Variants in EBF2 observed in about 807,000 individuals in gnomAD.
The protein encoded by EBF2 is transcription factor COE2.
Under a neutral mutation model 72.8 loss-of-function variants are expected in EBF2, and 21 were observed. The observed-to-expected ratio is 0.29, with a 90% CI of 0.20 to 0.42. The LOEUF (loss-of-function observed/expected upper bound fraction) is 0.42, where lower values mean the gene tolerates loss of function less well. Ranked by LOEUF, EBF2 falls within the 10% of genes least tolerant of loss-of-function variation. EBF2 has a pLI of 1.00. For synonymous variants in EBF2, 299 were observed against 274.2 expected (o/e 1.09, Z -0.89); for missense variants, 637 against 731.2 (o/e 0.87, Z 1.49).
At chr8:25,954,423 G>A (rs1183309003) in intron 6 of EBF2, among the ~76,000 whole-genome samples, 4 of 152,220 alleles carry the variant, frequency 2.6e-5, no homozygotes, top group East Asian at 3.9e-4. Context: ...TTCCTACTTC[G>A]TTGGGTGCAT....
intron 7 of EBF2, among the ~76,000 whole-genome samples, chr8:25,898,732 A>T (rs925003905): frequency 3.3e-5 from 5 of 152,174 alleles, no homozygotes; most frequent in African/African-American, 9.7e-5. Context: ...ATTCTTGTCT[A>T]GGAAGCTCTA....
chr8:25,905,983 A>C (rs1366567057), intron 7 of EBF2, among the ~76,000 whole-genome samples: 1 of 152,172 alleles, frequency 6.6e-6, no homozygotes, highest in African/African-American at 2.4e-5. Flanking sequence ...ATAGGATGAG[A>C]ATTCTATATC....
intron 10 of EBF2, among the ~76,000 whole-genome samples, chr8:25,867,555 G>C (rs1802356112): frequency 6.6e-6 from 1 of 152,150 alleles, no homozygotes; most frequent in Non-Finnish European, 1.5e-5. Context: ...TTCTCTGCCT[G>C]TCTTGTAAAT....
At chr8:26,019,196 A>G (rs1320352626) in intron 6 of EBF2, among the ~76,000 whole-genome samples, 1 of 152,148 alleles carries the variant, frequency 6.6e-6, no homozygotes, top group Admixed American at 6.5e-5. Context: ...TCTCAAGGTC[A>G]TCCCATTTGA....
In EBF2 at chr8:26,040,965, T is replaced by A. The variant is rs1805590191; in HGVS notation, c.326A>T (p.Tyr109Phe). The change falls in exon 3 of 16, where the codon TAC (tyrosine) becomes TTC (phenylalanine). Residue 109 changes from tyrosine to phenylalanine, a missense_variant. Transcript: ENST00000520164. ...GNEKTNNGTH[Y>F]KLQLLYSNGV... Reference sequence around the variant, plus strand: ...GTTGCTGTAGAGGAGCTGTAACTTGTAGTGAGTGCCGTTGTTGGTCTTCTC... The same window carrying A: ...GTTGCTGTAGAGGAGCTGTAACTTGAAGTGAGTGCCGTTGTTGGTCTTCTC... 6.2e-7 allele frequency: 1 copy of A among 1,614,110 alleles called. No individual in the cohort carries two copies. The highest frequency in any genetic ancestry group is 1.3e-5 in the African/African-American group (1 of 74,950).
At chr8:25,877,342 A>C (rs987989643) in intron 10 of EBF2, among the ~76,000 whole-genome samples, 1 of 152,160 alleles carries the variant, frequency 6.6e-6, no homozygotes, top group South Asian at 2.1e-4. Flanking sequence ...CTCTCCGCCT[A>C]GGCTAGCATA....
chr8:26,016,634 A>G (rs1442424481), intron 6 of EBF2, among the ~76,000 whole-genome samples: 3 of 152,210 alleles, frequency 2.0e-5, no homozygotes, highest in Non-Finnish European at 4.4e-5. Flanking sequence ...GGACACTGAG[A>G]ATAATAATAA....
chr8:25,898,686 T>C (rs1007929345), intron 7 of EBF2, among the ~76,000 whole-genome samples: 1 of 152,160 alleles, frequency 6.6e-6, no homozygotes, highest in African/African-American at 2.4e-5. Context: ...AGGGGAGCCA[T>C]AACATATTTG....
intron 6 of EBF2, among the ~76,000 whole-genome samples, chr8:26,023,437 G>C (rs766726432): frequency 4.6e-5 from 7 of 152,140 alleles, no homozygotes; most frequent in Non-Finnish European, 1.0e-4. Flanking sequence ...GTTGAAGCAT[G>C]GCATCATCTG....
At chr8:25,858,640 T>G in intron 13 of EBF2, 136 bp from the exon 14 acceptor site, 2 of 471,192 alleles carry the variant, frequency 4.2e-6, no homozygotes, top group South Asian at 3.4e-5. Context: ...AAGTGTGCAG[T>G]CCATCTTTAG....
intron 14 of EBF2, among the ~76,000 whole-genome samples, chr8:25,857,430 A>G (rs767361077): frequency 4.6e-5 from 7 of 152,148 alleles, no homozygotes; most frequent in Non-Finnish European, 8.8e-5. Flanking sequence ...TGCTCTTGGC[A>G]CAAGGGAACC....
chr8:25,980,411 G>A (rs1285027440), intron 6 of EBF2, among the ~76,000 whole-genome samples: 1 of 151,954 alleles, frequency 6.6e-6, no homozygotes, highest in Non-Finnish European at 1.5e-5. Context: ...TTGCAACAAT[G>A]GTAAGCGTGC....
chr8:25,870,372 A>G (rs1802414911), intron 10 of EBF2, among the ~76,000 whole-genome samples: 1 of 152,090 alleles, frequency 6.6e-6, no homozygotes, highest in Non-Finnish European at 1.5e-5. Flanking sequence ...CAGATAACCC[A>G]TAAGGCAGAA....
At chr8:25,862,915 G>T in intron 10 of EBF2, 118 bp from the exon 11 acceptor site, 1 of 528,640 alleles carries the variant, frequency 1.9e-6, no homozygotes, top group Non-Finnish European at 3.0e-6. Flanking sequence ...AATCAGTTAG[G>T]GTTTTTGCTA....
rs923590856 is a variant in EBF2, at chr8:25,842,429, G to C, written c.*2180C>G. Reference sequence around the variant, plus strand: ...TCTTCATGCAAAAGGAAAATTCACAGGTTCTAAAAGCAATGCTACTTAAAA... The same window carrying C: ...TCTTCATGCAAAAGGAAAATTCACACGTTCTAAAAGCAATGCTACTTAAAA... On this transcript the variant is annotated 3_prime_UTR_variant, in exon 16 of 16. Coordinates refer to ENST00000520164, the MANE Select transcript of EBF2 (RefSeq NM_022659.4). The C allele has an allele frequency of 7.2e-5, 11 of 152,150 alleles. No individual in the cohort carries two copies. In the East Asian group the frequency reaches 2.1e-3, roughly 29 times the overall value. The allele number at this position is 152,150 out of a possible 1,614,324, so 9.4% of individuals were successfully genotyped here. A position where few individuals can be genotyped will look rare whatever the true frequency, so the allele number is the denominator to read the frequency against.
chr8:25,844,860 TTGA>T (rs1392699275), intron 15 of EBF2, among the ~76,000 whole-genome samples: 1 of 152,192 alleles, frequency 6.6e-6, no homozygotes, highest in Non-Finnish European at 1.5e-5. Flanking sequence ...CAAGGAAACC[TTGA>T]TGAAGTTTTG....
At position 25,871,054 on chromosome 8, in the gene EBF2, C is replaced by A. The variant is rs187138769; in HGVS notation, c.1010-8257G>T. Among the ~76,000 whole-genome samples, 301 of 152,274 alleles carry A rather than the reference C, an allele frequency of 2.0e-3. 4 individuals carry two copies. Among genetic ancestry groups the A allele is most frequent in the African/African-American group, 7.2e-3 (299 of 41,556 alleles). ...ACTAAACCATAAGAGGGACCTCAGC[C>A]TTTAACACATGGCCGGGTTTGACAA... On this transcript the variant is annotated intron_variant, in intron 10 of 15. Coordinates refer to ENST00000520164, the MANE Select transcript of EBF2 (RefSeq NM_022659.4).
At chr8:25,851,324 G>A (rs1352657601) in intron 14 of EBF2, among the ~76,000 whole-genome samples, 7 of 149,968 alleles carry the variant, frequency 4.7e-5, no homozygotes, top group African/African-American at 9.7e-5. Context: ...TCAGAAAACC[G>A]TCTTCCTCTC....
At chr8:26,038,940 C>G (rs943392198) in intron 5 of EBF2, among the ~76,000 whole-genome samples, 12 of 152,296 alleles carry the variant, frequency 7.9e-5, no homozygotes, top group Admixed American at 7.8e-4. Flanking sequence ...TTACCCAAAG[C>G]TAGTAAGTCT....
Sources: gnomAD v4.1 joint callset for allele counts (sites outside exome capture counted in the v4.1 genomes callset) on GRCh38, gnomAD v4.1.1 for gene constraint, MANE v1.5 for transcripts, NCBI Gene and HGNC (gene_info 2026-07-23, HGNC 2026-07-21) for gene names.